The following BMP1 variants were observed in gnomAD, a reference collection of about 807,000 sequenced individuals.
BMP1 encodes bone morphogenetic protein 1, also known as mammalian tolloid protein.
Under a neutral mutation model 116.8 loss-of-function variants are expected in BMP1, and 63 were observed. The observed-to-expected ratio is 0.54, with a 90% CI of 0.44 to 0.67. The LOEUF (loss-of-function observed/expected upper bound fraction) is 0.67. Among genes scored for constraint, BMP1 ranks in the 30% least tolerant of loss-of-function variants. The pLI, the probability that BMP1 is intolerant of heterozygous loss-of-function variation, is 0.00. For missense variants in BMP1, 1,183 were observed against 1,358.9 expected, an observed-to-expected ratio of 0.87 and a Z score of 2.04; for synonymous variants, 536 against 533.4, an observed-to-expected ratio of 1.00 and a Z score of -0.07.
chr8:22,190,946 G>T (rs796264729), intron 8 of BMP1, among the ~76,000 whole-genome samples: 10 of 152,282 alleles, frequency 6.6e-5, no homozygotes, highest in African/African-American at 2.4e-4. Context: ...ATCCCTACTT[G>T]TTGGAACTCT....
intron 1 of BMP1, among the ~76,000 whole-genome samples, chr8:22,172,506 T>C (rs1397130128): frequency 1.3e-5 from 2 of 151,858 alleles, no homozygotes; most frequent in Non-Finnish European, 2.9e-5. Context: ...ACTTGAGAAC[T>C]GTTAAACTTT....
chr8:22,170,565 T>G (rs1435594406), intron 1 of BMP1: 2 of 152,210 alleles, frequency 1.3e-5, no homozygotes, highest in African/African-American at 2.4e-5. Context: ...CTTTGCTCTA[T>G]GTCCAAAGGT....
Position 22,192,120 on chromosome 8 carries a change from A to G in BMP1, c.1149A>G (p.Arg383=), listed in dbSNP as rs756044980. The G allele has an allele frequency of 2.5e-6, 4 of 1,613,852 alleles. No individual in the cohort carries two copies. The South Asian group carries it at 4.4e-5, about 18-fold the overall frequency. The change falls in exon 9 of 20, where the codon CGA becomes CGG. Residue 383 remains arginine (R), a synonymous_variant. Coordinates refer to ENST00000306385, the MANE Select transcript of BMP1 (RefSeq NM_006129.5). The part of the protein sequence containing the change: ...RLCWYDYVEV[R]DGFWRKAPLR... ...GCTGGTACGACTATGTGGAGGTCCGAGATGGCTTCTGGAGGAAGGCGCCCC... is the reference window on the plus strand; with the variant it reads ...GCTGGTACGACTATGTGGAGGTCCGGGATGGCTTCTGGAGGAAGGCGCCCC...
intron 18 of BMP1, among the ~76,000 whole-genome samples, chr8:22,208,677 G>A (rs1023999679): frequency 6.6e-6 from 1 of 152,246 alleles, no homozygotes; most frequent in African/African-American, 2.4e-5. Context: ...GAGAAAGGCT[G>A]GAGTCCAGGG....
At chr8:22,205,977 G>A (rs1037144803) in intron 16 of BMP1, among the ~76,000 whole-genome samples, 4 of 152,168 alleles carry the variant, frequency 2.6e-5, no homozygotes, top group Non-Finnish European at 4.4e-5. Flanking sequence ...CACCTGGGAG[G>A]GTAGCAGGAG....
rs76204050 is a variant in BMP1, at chr8:22,178,751, C to G, written c.836+794C>G. Among the ~76,000 whole-genome samples, 11 of 152,228 alleles carry G rather than the reference C, an allele frequency of 7.2e-5. No homozygotes were observed. In the East Asian group the frequency reaches 1.2e-3, roughly 16 times the overall value. On this transcript the variant is annotated intron_variant, in intron 6 of 19. Coordinates refer to ENST00000306385, the MANE Select transcript of BMP1 (RefSeq NM_006129.5). The stretch of plus-strand genomic sequence containing the variant: ...AGGTGGTGGCCCAGCCTCCCCTCCC[C>G]CAAGATTCTCCTTAGCAGTGTGGGA...
chr8:22,211,303 G>A (rs1046315355), intron 19 of BMP1, among the ~76,000 whole-genome samples: 15 of 152,334 alleles, frequency 9.8e-5, no homozygotes, highest in African/African-American at 3.4e-4. Context: ...CCTGTTTGTG[G>A]CTGAGGGAAG....
intron 8 of BMP1, among the ~76,000 whole-genome samples, 183 bp from the exon 9 acceptor site, chr8:22,191,866 G>A (rs1179377216): frequency 6.6e-6 from 1 of 152,200 alleles, no homozygotes; most frequent in Non-Finnish European, 1.5e-5. Context: ...GAAGAAAGCT[G>A]ACCATACACA....
At chr8:22,209,892 G>T (rs75518990) in intron 19 of BMP1, among the ~76,000 whole-genome samples, 197 bp downstream of exon 19, 4,596 of 152,352 alleles carry the variant, frequency 0.03, 82 homozygotes, top group Middle Eastern at 0.061. Context: ...CATCCCCGAC[G>T]TAGGAAACCA....
Position 22,180,442 on chromosome 8 carries a change from A to T in BMP1, c.1036A>T (p.Met346Leu), listed in dbSNP as rs373658996. 1.9e-6 allele frequency: 3 copies of T among 1,613,892 alleles called. No homozygotes were observed. Among genetic ancestry groups the T allele is most frequent in the Non-Finnish European group, 2.5e-6 (3 of 1,179,950 alleles). ...PEYPNGYSAHMHCVWRISVTP... is the reference protein window; with the variant it reads ...PEYPNGYSAHLHCVWRISVTP... Reference sequence around the variant, plus strand: ...ATACCCCAATGGCTACTCTGCTCACATGCACTGCGTGTGGCGCATCTCTGT... The same window carrying T: ...ATACCCCAATGGCTACTCTGCTCACTTGCACTGCGTGTGGCGCATCTCTGT... Residue 346 changes from methionine to leucine, a missense_variant, in exon 8 of 20, where the codon ATG becomes TTG. Physicochemically the swap from Met to Leu is conservative, Grantham distance 15. Transcript: ENST00000306385.
intron 4 of BMP1, 88 bp downstream of exon 4, chr8:22,176,738 A>G (rs555844924): frequency 2.2e-4 from 310 of 1,429,400 alleles, no homozygotes; most frequent in Admixed American, 3.5e-4. Flanking sequence ...CCAGCTGGGC[A>G]CAGCCTTGGG....
At chr8:22,185,594 A>G (rs1212292009) in intron 8 of BMP1, among the ~76,000 whole-genome samples, 2 of 152,032 alleles carry the variant, frequency 1.3e-5, no homozygotes, top group Admixed American at 6.6e-5. Context: ...CTGCCTCCTG[A>G]TATGCTACGT....
chr8:22,207,215 CTG>C, intron 17 of BMP1, 86 bp from the exon 18 acceptor site: 1 of 1,457,272 alleles, frequency 6.9e-7, no homozygotes, highest in Non-Finnish European at 9.5e-7. Context: ...CCATGGGTAT[CTG>C]TGAGGCCTAG....
At chr8:22,210,156 GT>G (rs923048409) in intron 19 of BMP1, among the ~76,000 whole-genome samples, 1 of 152,238 alleles carries the variant, frequency 6.6e-6, no homozygotes, top group African/African-American at 2.4e-5. Context: ...TCCTCTACCA[GT>G]TTCTCCTCCT....
chr8:22,182,544 C>G (rs956109755), intron 8 of BMP1, among the ~76,000 whole-genome samples: 2 of 152,192 alleles, frequency 1.3e-5, no homozygotes, highest in Non-Finnish European at 2.9e-5. Context: ...ATGCTGAATA[C>G]GTAAGATGCA....
chr8:22,183,073 T>C (rs753424700), intron 8 of BMP1, among the ~76,000 whole-genome samples: 6 of 152,250 alleles, frequency 3.9e-5, no homozygotes, highest in Admixed American at 6.5e-5. Flanking sequence ...TATTCTACCA[T>C]CTTCCCTTAA....
intron 5 of BMP1, chr8:22,177,568 C>A (rs368485444): frequency 2.7e-6 from 2 of 740,224 alleles, no homozygotes; most frequent in Admixed American, 1.7e-5. Flanking sequence ...CTCTCCCAGG[C>A]GTTCTCCACT....
At chr8:22,202,006 C>G in intron 16 of BMP1, 78 bp downstream of exon 16, 1 of 1,523,538 alleles carries the variant, frequency 6.6e-7, no homozygotes, top group South Asian at 1.3e-5. Flanking sequence ...TCATCTCCAT[C>G]AGCCTCCGTT....
chr8:22,200,358 C>A (rs889315521), intron 15 of BMP1, among the ~76,000 whole-genome samples: 2 of 152,294 alleles, frequency 1.3e-5, no homozygotes, highest in South Asian at 4.1e-4. Flanking sequence ...GGTGTCCATG[C>A]GCCTGTGTGT....
Sources: gnomAD v4.1 joint callset for allele counts (sites outside exome capture counted in the v4.1 genomes callset) on GRCh38, gnomAD v4.1.1 for gene constraint, MANE v1.5 for transcripts, NCBI Gene and HGNC (gene_info 2026-07-23, HGNC 2026-07-21) for gene names.